Variants in CTIF observed in about 807,000 individuals in gnomAD.
The protein encoded by CTIF is cap binding complex dependent translation initiation factor, also known as CBP80/20-dependent translation initiation factor.
In CTIF, 21 loss-of-function variants were observed where a neutral mutation model predicts 66.0. The observed-to-expected ratio is 0.32, with a 90% confidence interval of 0.23 to 0.46. The LOEUF (loss-of-function observed/expected upper bound fraction) is 0.46. Among genes scored for constraint, CTIF ranks in the 20% least tolerant of loss-of-function variants. The probability of loss-of-function intolerance (pLI) is 1.00; values close to 1 mark genes in which losing one functional copy is unlikely to be tolerated. For missense variants in CTIF, 739 were observed against 812.7 expected, an observed-to-expected ratio of 0.91 and a Z score of 1.10; for synonymous variants, 345 against 326.4, an observed-to-expected ratio of 1.06 and a Z score of -0.62.
intron 1 of CTIF, among the ~76,000 whole-genome samples, chr18:48,616,698 A>C (rs935902021): frequency 6.6e-6 from 1 of 152,230 alleles, no homozygotes; most frequent in African/African-American, 2.4e-5. Context: ...AAGGCACAGC[A>C]GACACTCGTC....
At chr18:48,579,707 T>C (rs886482922) in intron 1 of CTIF, among the ~76,000 whole-genome samples, 1 of 152,138 alleles carries the variant, frequency 6.6e-6, no homozygotes, top group African/African-American at 2.4e-5. Context: ...CTTTCTCAGA[T>C]GGATCTTGGT....
chr18:48,633,523 G>A (rs978104040), intron 2 of CTIF, among the ~76,000 whole-genome samples: 1 of 152,048 alleles, frequency 6.6e-6, no homozygotes, highest in East Asian at 1.9e-4. Flanking sequence ...CCAACATGGT[G>A]AAACCCCATC....
chr18:48,792,748 G>A (rs923657362), intron 9 of CTIF, among the ~76,000 whole-genome samples: 2 of 152,146 alleles, frequency 1.3e-5, no homozygotes, highest in African/African-American at 4.8e-5. Context: ...TCTGGGGCCT[G>A]GACAACTGGA....
chr18:48,700,282 C>T (rs1416816489), intron 6 of CTIF, among the ~76,000 whole-genome samples: 1 of 152,230 alleles, frequency 6.6e-6, no homozygotes, highest in Non-Finnish European at 1.5e-5. Context: ...AATTGTGAGG[C>T]CTCCCCAGCC....
At chr18:48,666,124 T>A (rs549185079) in intron 5 of CTIF, among the ~76,000 whole-genome samples, 1 of 152,316 alleles carries the variant, frequency 6.6e-6, no homozygotes, top group Admixed American at 6.5e-5. Context: ...TGTTTTTTTT[T>A]CTTTCTTGGT....
chr18:48,570,731 T>C (rs2143643570), intron 1 of CTIF, among the ~76,000 whole-genome samples: 1 of 152,166 alleles, frequency 6.6e-6, no homozygotes, highest in Non-Finnish European at 1.5e-5. Context: ...GACGGAACTT[T>C]ATATGCAGAG....
At chr18:48,823,433 G>A (rs529545175) in intron 10 of CTIF, among the ~76,000 whole-genome samples, 2 of 152,154 alleles carry the variant, frequency 1.3e-5, no homozygotes, top group South Asian at 4.1e-4. Flanking sequence ...TTTCCCCATT[G>A]TGTGTTCTTG....
At chr18:48,792,362 A>T (rs1352143748) in intron 9 of CTIF, among the ~76,000 whole-genome samples, 1 of 152,216 alleles carries the variant, frequency 6.6e-6, no homozygotes, top group Non-Finnish European at 1.5e-5. Flanking sequence ...CTATAGGCTC[A>T]CAAGGACGAG....
rs373544723 is a variant in CTIF at position 48,817,267 on chromosome 18, G to T, written c.1418G>T (p.Arg473Leu). Residue 473 changes from arginine (R) to leucine (L), a missense_variant, in exon 10 of 12, where the codon CGC (arginine) becomes CTC (leucine). Physicochemically the swap from Arg to Leu is moderately radical, Grantham distance 102. Transcript: ENST00000256413. ...REELQQQDVE[R>L]WLGFITFLCE... ...GAGCTGCAGCAGCAGGACGTGGAGC[G>T]CTGGCTGGGCTTCATCACCTTCCTG... The T allele has an allele frequency of 1.2e-6, 2 of 1,614,006 alleles. No individual in the cohort carries two copies. The highest frequency in any genetic ancestry group is 1.7e-6 in the Non-Finnish European group (2 of 1,179,968).
intron 1 of CTIF, among the ~76,000 whole-genome samples, chr18:48,552,048 C>T (rs569138484): frequency 4.6e-5 from 7 of 152,264 alleles, no homozygotes; most frequent in African/African-American, 1.4e-4. Flanking sequence ...GTGATCCGCC[C>T]GCCTAGGCCT....
In CTIF at chr18:48,636,569, G is replaced by A. The variant is rs1162311984; in HGVS notation, c.181-45G>A. ...CTGCAGCCTGGCAGAGTGAGCATGG[G>A]CCTGGCTGTCCTGCCGTCACTGATC... is the stretch of plus-strand genomic sequence containing the variant. On this transcript the variant is annotated intron_variant, in intron 2 of 11. Transcript: ENST00000256413. The A allele has an allele frequency of 2.8e-6, 4 of 1,437,914 alleles. No homozygotes were observed. In the Admixed American group the frequency reaches 7.4e-5, roughly 27 times the overall value. 89.1% of individuals were successfully genotyped at this position (1,437,914 alleles called of 1,614,324 possible). A position where few individuals can be genotyped will look rare whatever the true frequency, so the allele number is the denominator to read the frequency against.
intron 7 of CTIF, among the ~76,000 whole-genome samples, chr18:48,728,031 C>T (rs1427429191): frequency 6.6e-6 from 1 of 152,158 alleles, no homozygotes; most frequent in African/African-American, 2.4e-5. Context: ...ACCAGGCAGC[C>T]CCTGCAGGAC....
intron 5 of CTIF, among the ~76,000 whole-genome samples, chr18:48,665,502 T>TAACC (rs1428509537): frequency 6.6e-6 from 1 of 152,180 alleles, no homozygotes; most frequent in African/African-American, 2.4e-5. Flanking sequence ...ACCATAAAAT[T>TAACC]AACCATTATA....
chr18:48,730,361 AG>A (rs2092433756), intron 7 of CTIF, among the ~76,000 whole-genome samples: 1 of 124,706 alleles, frequency 8.0e-6, no homozygotes, highest in Non-Finnish European at 1.8e-5. Flanking sequence ...CTGCTGTGTG[AG>A]GGGCCCCTGC....
intron 1 of CTIF, among the ~76,000 whole-genome samples, chr18:48,614,022 G>T (rs552395156): frequency 6.6e-6 from 1 of 152,172 alleles, no homozygotes; most frequent in Non-Finnish European, 1.5e-5. Flanking sequence ...GAGGGGAGAG[G>T]CGTGTCTTTT....
chr18:48,773,727 G>T (rs1335781392), intron 9 of CTIF, among the ~76,000 whole-genome samples: 1 of 152,190 alleles, frequency 6.6e-6, no homozygotes, highest in Non-Finnish European at 1.5e-5. Flanking sequence ...TCCGCACAGG[G>T]TGCCCCACCC....
At chr18:48,787,998 G>A (rs1046665815) in intron 9 of CTIF, among the ~76,000 whole-genome samples, 1 of 152,176 alleles carries the variant, frequency 6.6e-6, no homozygotes, top group African/African-American at 2.4e-5. Flanking sequence ...TCAGCGGGAG[G>A]TGAGGCTGGG....
intron 7 of CTIF, among the ~76,000 whole-genome samples, chr18:48,729,641 C>A (rs1437741929): frequency 2.0e-5 from 3 of 152,202 alleles, no homozygotes; most frequent in Non-Finnish European, 4.4e-5. Flanking sequence ...CGTCTGGATT[C>A]TTTTCCACAG....
chr18:48,592,817 C>T (rs190622903), intron 1 of CTIF, among the ~76,000 whole-genome samples: 9 of 152,314 alleles, frequency 5.9e-5, no homozygotes, highest in Admixed American at 5.9e-4. Context: ...GCCTGCCTGC[C>T]GTTCACAGGT....
Sources: gnomAD v4.1 joint callset for allele counts (sites outside exome capture counted in the v4.1 genomes callset) on GRCh38, gnomAD v4.1.1 for gene constraint, MANE v1.5 for transcripts, NCBI Gene and HGNC (gene_info 2026-07-23, HGNC 2026-07-21) for gene names.